Variants in DIAPH3 observed in about 807,000 individuals in gnomAD.
DIAPH3 encodes protein diaphanous homolog 3.
In DIAPH3, 117 loss-of-function variants were observed where a neutral mutation model predicts 144.3. The ratio of observed to expected loss-of-function variants is 0.81; its 90% confidence interval spans 0.70 to 0.95. The LOEUF (loss-of-function observed/expected upper bound fraction) is 0.95, where lower values mean the gene tolerates loss of function less well. Ranked by LOEUF, DIAPH3 falls within the 40% of genes least tolerant of loss-of-function variation. The probability of loss-of-function intolerance (pLI) is 0.00; values close to 1 mark genes in which losing one functional copy is unlikely to be tolerated. For synonymous variants in DIAPH3, 519 were observed against 488.9 expected (o/e 1.06, Z -0.81); for missense variants, 1,421 against 1,412.7 (o/e 1.01, Z -0.09).
chr13:59,705,384 C>T (rs2034359509), intron 27 of DIAPH3, among the ~76,000 whole-genome samples: 1 of 152,304 alleles, frequency 6.6e-6, no homozygotes, highest in African/African-American at 2.4e-5. Flanking sequence ...GCCAATTTTT[C>T]TATAATTGCC....
chr13:59,842,427 T>TC (rs2042400346), intron 22 of DIAPH3, among the ~76,000 whole-genome samples: 1 of 152,146 alleles, frequency 6.6e-6, no homozygotes, highest in Admixed American at 6.5e-5. Context: ...TTTGATTTTT[T>TC]CTCTGACACC....
intron 19 of DIAPH3, 41 bp from the exon 20 acceptor site, chr13:59,911,877 A>T: frequency 7.4e-7 from 1 of 1,355,752 alleles, no homozygotes; most frequent in East Asian, 2.3e-5. Context: ...CACTAAATGT[A>T]CTTCTTGAAT....
At chr13:60,031,961 C>A (rs1466053679) in intron 5 of DIAPH3, among the ~76,000 whole-genome samples, 3 of 152,014 alleles carry the variant, frequency 2.0e-5, no homozygotes, top group Non-Finnish European at 4.4e-5. Flanking sequence ...CCAAGATGGT[C>A]TCAATCTCTT....
chr13:59,927,994 T>A (rs2047836293), intron 17 of DIAPH3, among the ~76,000 whole-genome samples: 1 of 152,182 alleles, frequency 6.6e-6, no homozygotes, highest in Non-Finnish European at 1.5e-5. Context: ...TTCCCATCTC[T>A]TCTCCTTCCA....
At chr13:59,814,461 G>A (rs1169703934) in intron 24 of DIAPH3, among the ~76,000 whole-genome samples, 1 of 152,148 alleles carries the variant, frequency 6.6e-6, no homozygotes, top group African/African-American at 2.4e-5. Flanking sequence ...AGAGAGCACA[G>A]AAATAGGTGA....
At chr13:59,868,451 C>G (rs1566439671) in intron 21 of DIAPH3, among the ~76,000 whole-genome samples, 2 of 152,042 alleles carry the variant, frequency 1.3e-5, no homozygotes, top group African/African-American at 2.4e-5. Flanking sequence ...ACAGGAAAAA[C>G]TAACAGAAAA....
intron 4 of DIAPH3, among the ~76,000 whole-genome samples, chr13:60,050,212 A>G (rs1393748257): frequency 2.6e-5 from 4 of 152,192 alleles, no homozygotes; most frequent in Admixed American, 2.6e-4. Flanking sequence ...AAAAGACAGA[A>G]GGAAAGAAAA....
At chr13:59,948,386 T>C (rs771542259) in intron 17 of DIAPH3, among the ~76,000 whole-genome samples, 43 of 152,224 alleles carry the variant, frequency 2.8e-4, no homozygotes, top group Non-Finnish European at 5.3e-4. Context: ...CCAAGAAACC[T>C]GCTCTTAACA....
At chr13:59,967,874 T>C (rs1347565017) in intron 17 of DIAPH3, among the ~76,000 whole-genome samples, 1 of 152,098 alleles carries the variant, frequency 6.6e-6, no homozygotes, top group Admixed American at 6.5e-5. Flanking sequence ...CCCCACTCTT[T>C]GTGTTCCCCC....
intron 21 of DIAPH3, among the ~76,000 whole-genome samples, chr13:59,875,916 C>T (rs1218476101): frequency 6.6e-6 from 1 of 152,108 alleles, no homozygotes; most frequent in Non-Finnish European, 1.5e-5. Context: ...GCTCCCCAAA[C>T]TAAACTATAA....
At position 59,992,110 on chromosome 13, in the gene DIAPH3, A is replaced by G; in HGVS notation, c.1202T>C (p.Phe401Ser). The G allele has an allele frequency of 1.2e-6, 2 of 1,612,054 alleles. No individual in the cohort carries two copies. The highest frequency in any genetic ancestry group is 1.1e-5 in the South Asian group (1 of 91,040). The change falls in exon 11 of 28, where the codon TTT (phenylalanine) becomes TCT (serine). Residue 401 changes from phenylalanine (F) to serine (S), a missense_variant. By Grantham distance (155) the Phe-to-Ser change is radical (BLOSUM62 -2). Transcript: ENST00000400324. ...VFDEHKEEDLFELSHRLEDIR... is the reference protein window; with the variant it reads ...VFDEHKEEDLSELSHRLEDIR... The stretch of plus-strand genomic sequence containing the variant: ...ATCTTCAAGGCGATGGGATAACTCA[A>G]ACAAATCTTCTTCTTTATGCTCATC...
intron 25 of DIAPH3, among the ~76,000 whole-genome samples, chr13:59,795,924 T>C (rs1227460168): frequency 1.3e-5 from 2 of 152,226 alleles, no homozygotes; most frequent in Non-Finnish European, 2.9e-5. Context: ...TACATATTAG[T>C]GCTTTCATCA....
In DIAPH3 at chr13:59,810,911, C is replaced by A; in HGVS notation, c.3040G>T (p.Glu1014Ter). Residue 1014 changes from glutamate (E) to a stop codon, truncating the protein, a stop_gained, in exon 25 of 28, where the codon GAG (glutamate) becomes TAG (stop). Coordinates refer to ENST00000400324, the MANE Select transcript of DIAPH3 (RefSeq NM_001042517.2). LOFTEE classifies it high-confidence loss of function. ...FRTTFMQAIK[E>*]NIKKREAEEK... ...TCTGCTTCTCTTTTTTTGATATTCT[C>A]CTTTATTGCTTGCTAAAAAAATTTT... The A allele has an allele frequency of 1.3e-6, 2 of 1,490,904 alleles. No individual in the cohort carries two copies. The highest frequency in any genetic ancestry group is 1.8e-6 in the Non-Finnish European group (2 of 1,124,842). The allele number at this position is 1,490,904 out of a possible 1,614,324, so 92.4% of individuals were successfully genotyped here.
intron 2 of DIAPH3, among the ~76,000 whole-genome samples, chr13:60,130,838 T>C (rs2059119443): frequency 6.6e-6 from 1 of 152,118 alleles, no homozygotes; most frequent in African/African-American, 2.4e-5. Context: ...CAAGGCCAGT[T>C]GCAAGGATAA....
intron 25 of DIAPH3, among the ~76,000 whole-genome samples, chr13:59,802,099 T>C (rs1251199622): frequency 6.6e-6 from 1 of 152,106 alleles, no homozygotes; most frequent in Non-Finnish European, 1.5e-5. Flanking sequence ...AGAGAACCTA[T>C]TAATAAAAAA....
chr13:59,785,375 A>AAAGTT (rs2038981911), intron 25 of DIAPH3, among the ~76,000 whole-genome samples: 1 of 152,208 alleles, frequency 6.6e-6, no homozygotes, highest in African/African-American at 2.4e-5. Context: ...AAAATAGAGC[A>AAAGTT]CCCAAGAGCA....
chr13:59,702,226 A>C (rs1005566980), intron 27 of DIAPH3, among the ~76,000 whole-genome samples: 2 of 152,208 alleles, frequency 1.3e-5, no homozygotes, highest in African/African-American at 4.8e-5. Context: ...TGCATTTGTG[A>C]GATGAAGAAA....
intron 27 of DIAPH3, among the ~76,000 whole-genome samples, chr13:59,761,856 A>C (rs911764319): frequency 1.3e-5 from 2 of 152,098 alleles, no homozygotes; most frequent in African/African-American, 4.8e-5. Flanking sequence ...GGAGATAGAT[A>C]ACTAAATGAA....
At chr13:59,995,640 T>A (rs2052141341) in intron 9 of DIAPH3, among the ~76,000 whole-genome samples, 1 of 151,884 alleles carries the variant, frequency 6.6e-6, no homozygotes, top group African/African-American at 2.4e-5. Flanking sequence ...ACTCCAAGGT[T>A]TTGGGCCTGA....
Sources: gnomAD v4.1 joint callset for allele counts (sites outside exome capture counted in the v4.1 genomes callset) on GRCh38, gnomAD v4.1.1 for gene constraint, MANE v1.5 for transcripts, NCBI Gene and HGNC (gene_info 2026-07-23, HGNC 2026-07-21) for gene names.